PDE4B: variants seen among roughly 807,000 people sequenced by gnomAD.
PDE4B encodes the protein 3',5'-cyclic-AMP phosphodiesterase 4B.
PDE4B carries 20 observed loss-of-function variants against 82.2 expected under a neutral mutation model. That is an observed-to-expected ratio of 0.24 (90% CI 0.17 to 0.35). The LOEUF (loss-of-function observed/expected upper bound fraction) is 0.35. Among genes scored for constraint, PDE4B ranks in the 10% least tolerant of loss-of-function variants. The probability of loss-of-function intolerance (pLI) is 1.00; values close to 1 mark genes in which losing one functional copy is unlikely to be tolerated. For missense variants in PDE4B, 655 were observed against 907.2 expected, an observed-to-expected ratio of 0.72 and a Z score of 3.57; for synonymous variants, 320 against 318.9, an observed-to-expected ratio of 1.00 and a Z score of -0.04.
intron 4 of PDE4B, among the ~76,000 whole-genome samples, chr1:66,254,901 C>T (rs963246264): frequency 5.3e-5 from 8 of 152,140 alleles, no homozygotes; most frequent in Admixed American, 3.3e-4. Context: ...CCACTCCAAT[C>T]TATCCCTCCA....
intron 1 of PDE4B, among the ~76,000 whole-genome samples, chr1:65,823,396 TAAA>T (rs35854326): frequency 3.1e-3 from 221 of 70,426 alleles, no homozygotes; most frequent in African/African-American, 0.01. Context: ...ACTCCATCTC[TAAA>T]AAAAAAAAAA....
chr1:66,269,856 T>G (rs1448766389), intron 7 of PDE4B, among the ~76,000 whole-genome samples: 1 of 152,180 alleles, frequency 6.6e-6, no homozygotes, highest in South Asian at 2.1e-4. Context: ...CACATCCGAG[T>G]CATGTAAATG....
intron 3 of PDE4B, among the ~76,000 whole-genome samples, chr1:66,178,215 A>C (rs939066610): frequency 6.6e-6 from 1 of 152,052 alleles, no homozygotes; most frequent in African/African-American, 2.4e-5. Flanking sequence ...GTTTTTAAAA[A>C]CTACTTTAAA....
chr1:66,227,754 T>C (rs1350638863), intron 3 of PDE4B, among the ~76,000 whole-genome samples: 1 of 152,246 alleles, frequency 6.6e-6, no homozygotes, highest in African/African-American at 2.4e-5. Flanking sequence ...TGGTTAGCTC[T>C]ACACTGAAAT....
At chr1:66,213,197 CA>C (rs779461634) in intron 3 of PDE4B, among the ~76,000 whole-genome samples, 20 of 152,330 alleles carry the variant, frequency 1.3e-4, no homozygotes, top group Non-Finnish European at 2.2e-4. Flanking sequence ...GATGATATTA[CA>C]GTGGCATAAT....
In PDE4B at chr1:66,371,061, CA is replaced by C. The variant is rs1318475148; in HGVS notation, c.1846-1251del. Among the ~76,000 whole-genome samples the C allele has an allele frequency of 2.7e-5, 3 of 110,872 alleles. No individual in the cohort carries two copies. In the East Asian group the frequency reaches 9.8e-4, roughly 36 times the overall value. 72.7% of individuals were successfully genotyped at this position (110,872 alleles called of 152,430 possible). Reference sequence around the variant, plus strand: ...TACATATATATATACACACATCATACATATATATATATATATATACACACAC... The same window carrying C: ...TACATATATATATACACACATCATACTATATATATATATATATACACACAC... On this transcript the variant is annotated intron_variant, in intron 16 of 16. Transcript: ENST00000341517.
chr1:65,901,933 C>G (rs757623467), intron 1 of PDE4B, among the ~76,000 whole-genome samples: 1 of 151,974 alleles, frequency 6.6e-6, no homozygotes, highest in Non-Finnish European at 1.5e-5. Flanking sequence ...GTGTTTAGCA[C>G]TATAAACTTT....
chr1:66,354,069 G>A (rs1662039552), intron 8 of PDE4B, among the ~76,000 whole-genome samples: 1 of 152,174 alleles, frequency 6.6e-6, no homozygotes, highest in Non-Finnish European at 1.5e-5. Flanking sequence ...GAGGCTAAAT[G>A]CACTGGCACA....
chr1:65,994,969 C>T (rs969379690), intron 3 of PDE4B, among the ~76,000 whole-genome samples: 2 of 152,004 alleles, frequency 1.3e-5, no homozygotes, highest in African/African-American at 4.8e-5. Flanking sequence ...ATGCATTATA[C>T]AAATTTTCTG....
At chr1:66,162,283 G>A (rs962716099) in intron 3 of PDE4B, among the ~76,000 whole-genome samples, 32 of 140,538 alleles carry the variant, frequency 2.3e-4, no homozygotes, top group Middle Eastern at 4.1e-3. Flanking sequence ...AGGCCCTTTG[G>A]TGGTAAGGTT....
Position 66,374,437 on chromosome 1 carries a change from A to G in PDE4B, c.*1759A>G, listed in dbSNP as rs1425092898. The G allele has an allele frequency of 6.5e-6, 1 of 152,694 alleles. No homozygotes were observed. The highest frequency in any genetic ancestry group is 1.5e-5 in the Non-Finnish European group (1 of 68,050). 9.5% of individuals were successfully genotyped at this position (152,694 alleles called of 1,614,324 possible). A position where few individuals can be genotyped will look rare whatever the true frequency, so the allele number is the denominator to read the frequency against. On this transcript the variant is annotated 3_prime_UTR_variant, in exon 17 of 17. Coordinates refer to ENST00000341517, the MANE Select transcript of PDE4B (RefSeq NM_002600.4). ...GCATGACCAATGTATGTCTATGAAC[A>G]CTGCATTGTTTCAGGTGGACATTTT...
chr1:66,278,783 C>T (rs960725800), intron 7 of PDE4B, among the ~76,000 whole-genome samples: 1 of 151,682 alleles, frequency 6.6e-6, no homozygotes, highest in South Asian at 2.1e-4. Context: ...CCTGCCCGGA[C>T]AAACAATGAA....
At chr1:66,102,676 A>C (rs944649358) in intron 3 of PDE4B, among the ~76,000 whole-genome samples, 1 of 152,090 alleles carries the variant, frequency 6.6e-6, no homozygotes, top group African/African-American at 2.4e-5. Context: ...TATCTTTTGT[A>C]TTAGAAAAAA....
intron 1 of PDE4B, among the ~76,000 whole-genome samples, chr1:65,899,041 G>A (rs1445460688): frequency 6.6e-6 from 1 of 151,906 alleles, no homozygotes; most frequent in Non-Finnish European, 1.5e-5. Flanking sequence ...CTGCAGAGTG[G>A]GAGAAAATCC....
chr1:65,816,368 G>T (rs1645886194), intron 1 of PDE4B, among the ~76,000 whole-genome samples: 1 of 152,018 alleles, frequency 6.6e-6, no homozygotes, highest in Non-Finnish European at 1.5e-5. Context: ...TTAAAGCAAG[G>T]TTGCTGCTAC....
intron 3 of PDE4B, among the ~76,000 whole-genome samples, chr1:66,185,805 A>G (rs1162236985): frequency 2.0e-5 from 3 of 151,752 alleles, no homozygotes. Context: ...TTCTGATGGT[A>G]GTTTCTTTTG....
chr1:65,835,056 G>C (rs576104144), intron 1 of PDE4B, among the ~76,000 whole-genome samples: 2 of 152,230 alleles, frequency 1.3e-5, no homozygotes, highest in South Asian at 4.1e-4. Context: ...TTTGTTGTCA[G>C]TTCTCAACAA....
At chr1:66,096,464 G>A (rs1645115603) in intron 3 of PDE4B, among the ~76,000 whole-genome samples, 1 of 140,256 alleles carries the variant, frequency 7.1e-6, no homozygotes, top group Non-Finnish European at 1.5e-5. Flanking sequence ...CTGATCACTT[G>A]AAATGGGGCT....
intron 3 of PDE4B, among the ~76,000 whole-genome samples, chr1:66,166,211 C>A (rs1347446253): frequency 1.3e-5 from 2 of 152,128 alleles, no homozygotes; most frequent in Non-Finnish European, 2.9e-5. Context: ...TGGAATTGGA[C>A]TTCTAATTTA....
Sources: gnomAD v4.1 joint callset for allele counts (sites outside exome capture counted in the v4.1 genomes callset) on GRCh38, gnomAD v4.1.1 for gene constraint, MANE v1.5 for transcripts, NCBI Gene and HGNC (gene_info 2026-07-23, HGNC 2026-07-21) for gene names.